CTNND2: variants seen among roughly 807,000 people sequenced by gnomAD.
CTNND2 encodes the protein catenin delta-2.
Under a neutral mutation model 144.4 loss-of-function variants are expected in CTNND2, and 22 were observed. The observed-to-expected ratio is 0.15, with a 90% CI of 0.11 to 0.22. The LOEUF is 0.22. Among genes scored for constraint, CTNND2 ranks in the 10% least tolerant of loss-of-function variants. The pLI is 1.00. For synonymous variants in CTNND2, 751 were observed against 695.6 expected (o/e 1.08, Z -1.25); for missense variants, 1,353 against 1,618.8 (o/e 0.84, Z 2.82).
chr5:11,582,521 A>G (rs1778514942), intron 2 of CTNND2, among the ~76,000 whole-genome samples: 1 of 152,228 alleles, frequency 6.6e-6, no homozygotes, highest in Non-Finnish European at 1.5e-5. Flanking sequence ...TGAGAGCATC[A>G]AGCACAGTGA....
intron 9 of CTNND2, among the ~76,000 whole-genome samples, chr5:11,334,707 C>A (rs142071947): frequency 1.5e-4 from 23 of 152,306 alleles, no homozygotes; most frequent in African/African-American, 5.5e-4. Context: ...CCTTCAAGAG[C>A]AGATAGATAG....
chr5:11,470,980 ATTTTTT>A lies in CTNND2; in HGVS notation c.288-58917_288-58912del, dbSNP rs1171276873. Among the ~76,000 whole-genome samples the A allele has an allele frequency of 3.9e-4, 36 of 91,534 alleles. 1 individual carries two copies. The highest frequency in any genetic ancestry group is 1.9e-3 in the African/African-American group (33 of 17,398). The allele number at this position is 91,534 out of a possible 152,430, so 60.0% of individuals were successfully genotyped here. A position where few individuals can be genotyped will look rare whatever the true frequency, so the allele number is the denominator to read the frequency against. On this transcript the variant is annotated intron_variant, in intron 3 of 21. Transcript: ENST00000304623. ...TATATATATATATATATATATATAT[ATTTTTT>A]TTTTTTTTTTAGATGGAGTCTCTCT...
chr5:11,489,910 C>T (rs1769228506), intron 3 of CTNND2, among the ~76,000 whole-genome samples: 1 of 152,132 alleles, frequency 6.6e-6, no homozygotes, highest in African/African-American at 2.4e-5. Flanking sequence ...TGTATTTATT[C>T]CAATGCCTCT....
intron 11 of CTNND2, among the ~76,000 whole-genome samples, chr5:11,173,118 T>C (rs1359337694): frequency 1.3e-5 from 2 of 152,250 alleles, no homozygotes; most frequent in African/African-American, 2.4e-5. Context: ...AGGACTCACA[T>C]TGTCATAAAA....
chr5:11,865,742 T>C (rs1470301206), intron 1 of CTNND2, among the ~76,000 whole-genome samples: 3 of 151,832 alleles, frequency 2.0e-5, no homozygotes, highest in Non-Finnish European at 4.4e-5. Flanking sequence ...TGAGGTGGGC[T>C]TACAATAATC....
chr5:11,573,801 A>G (rs1421829993), intron 2 of CTNND2, among the ~76,000 whole-genome samples: 1 of 152,132 alleles, frequency 6.6e-6, no homozygotes, highest in Non-Finnish European at 1.5e-5. Flanking sequence ...AAATATAACG[A>G]AACACCTCTT....
intron 2 of CTNND2, among the ~76,000 whole-genome samples, chr5:11,694,308 G>A (rs1022588835): frequency 2.1e-4 from 32 of 151,854 alleles, no homozygotes; most frequent in Admixed American, 1.7e-3. Context: ...GGTGGTGGGC[G>A]CCTGTAGTCC....
At chr5:11,882,794 T>C (rs1254617233) in intron 1 of CTNND2, among the ~76,000 whole-genome samples, 2 of 152,194 alleles carry the variant, frequency 1.3e-5, no homozygotes, top group South Asian at 2.1e-4. Context: ...ACTTAGAGTC[T>C]TTTGTGGTTC....
chr5:11,182,150 G>T (rs1410902016), intron 11 of CTNND2, among the ~76,000 whole-genome samples: 1 of 141,606 alleles, frequency 7.1e-6, no homozygotes, highest in Admixed American at 7.0e-5. Context: ...GTGTGTGGAT[G>T]GGGTGTGTGT....
chr5:11,222,416 GC>G (rs1207437327), intron 10 of CTNND2, among the ~76,000 whole-genome samples: 1 of 152,188 alleles, frequency 6.6e-6, no homozygotes, highest in African/African-American at 2.4e-5. Context: ...CAGGAGTCTT[GC>G]CTCGCTGCAG....
At chr5:11,522,828 T>G (rs549316881) in intron 3 of CTNND2, among the ~76,000 whole-genome samples, 1 of 152,112 alleles carries the variant, frequency 6.6e-6, no homozygotes, top group Non-Finnish European at 1.5e-5. Flanking sequence ...ACAGAAATTT[T>G]TGGCCATAGA....
chr5:11,150,154 T>A (rs1757609905), intron 12 of CTNND2, among the ~76,000 whole-genome samples: 1 of 152,164 alleles, frequency 6.6e-6, no homozygotes, highest in Non-Finnish European at 1.5e-5. Context: ...ACCCCCACAC[T>A]ACTGTTGAGT....
chr5:10,978,688 C>T (rs564118213), intron 21 of CTNND2, among the ~76,000 whole-genome samples: 1 of 152,214 alleles, frequency 6.6e-6, no homozygotes, highest in Non-Finnish European at 1.5e-5. Flanking sequence ...AGATGCGGAG[C>T]TTGCTCTCCA....
rs114844007 is a variant in CTNND2, at chr5:11,211,060, T to G, written c.1762-11399A>C. Among the ~76,000 whole-genome samples the G allele has an allele frequency of 2.3e-3, 343 of 152,206 alleles. 4 individuals carry two copies. Among genetic ancestry groups the G allele is most frequent in the African/African-American group, 7.0e-3 (291 of 41,512 alleles). On this transcript the variant is annotated intron_variant, in intron 10 of 21. Coordinates refer to ENST00000304623, the MANE Select transcript of CTNND2 (RefSeq NM_001332.4). ...AAAGAAGATCCACTAAACGGACAAG[T>G]TTTAGGTCCATCAACAACTGGGTTC...
intron 1 of CTNND2, among the ~76,000 whole-genome samples, chr5:11,793,848 T>C (rs886634528): frequency 6.6e-6 from 1 of 152,236 alleles, no homozygotes; most frequent in African/African-American, 2.4e-5. Context: ...TGAAATTACT[T>C]ACAAATGTTT....
At chr5:11,319,805 G>A (rs146186663) in intron 9 of CTNND2, among the ~76,000 whole-genome samples, 30 of 152,348 alleles carry the variant, frequency 2.0e-4, no homozygotes, top group African/African-American at 7.2e-4. Flanking sequence ...ACAGGCGTGA[G>A]CCACTGTGCA....
chr5:11,115,415 A>G (rs1753445366), intron 13 of CTNND2, among the ~76,000 whole-genome samples: 1 of 152,182 alleles, frequency 6.6e-6, no homozygotes, highest in Non-Finnish European at 1.5e-5. Flanking sequence ...CCATCACAGT[A>G]AAAGGTATAG....
rs145445502 is a variant in CTNND2, at chr5:11,639,241, A to G, written c.175-74185T>C. On this transcript the variant is annotated intron_variant, in intron 2 of 21. Transcript: ENST00000304623. Reference sequence around the variant, plus strand: ...AGCACAACAAGGAATTCGCAAGTCCACAATGTCAATAATGCAAAGGATGAG... The same window carrying G: ...AGCACAACAAGGAATTCGCAAGTCCGCAATGTCAATAATGCAAAGGATGAG... 6.8e-3 allele frequency among the ~76,000 whole-genome samples: 1,036 copies of G among 152,306 alleles called. 14 individuals are homozygous for G. The highest frequency in any genetic ancestry group is 0.022 in the African/African-American group (924 of 41,576).
intron 2 of CTNND2, among the ~76,000 whole-genome samples, chr5:11,654,856 T>A (rs1482981987): frequency 1.3e-5 from 2 of 152,108 alleles, no homozygotes; most frequent in South Asian, 2.1e-4. Context: ...CTTAGTTCCA[T>A]CCACTGTCAA....
Sources: allele counts gnomAD v4.1 joint callset (sites outside exome capture counted in the v4.1 genomes callset), GRCh38; gene constraint gnomAD v4.1.1; transcripts MANE v1.5; gene names NCBI Gene and HGNC (gene_info 2026-07-23, HGNC 2026-07-21).